The following NFKBIL1 variants were observed in gnomAD, a reference collection of about 807,000 sequenced individuals.
NFKBIL1 encodes NF-kappa-B inhibitor-like protein 1.
In NFKBIL1, 30 loss-of-function variants were observed where a neutral mutation model predicts 45.4. That is an observed-to-expected ratio of 0.66 (90% confidence interval 0.49 to 0.90). The LOEUF (loss-of-function observed/expected upper bound fraction) is 0.90, where lower values mean the gene tolerates loss of function less well. NFKBIL1 is among the 40% of genes least tolerant of loss of function. The pLI is 0.00. For synonymous variants in NFKBIL1, 179 were observed against 197.3 expected, an observed-to-expected ratio of 0.91 and a Z score of 0.78; for missense variants, 434 against 513.4, an observed-to-expected ratio of 0.85 and a Z score of 1.49.
chr6:31,551,999 G>A (rs1470065378), intron 2 of NFKBIL1, among the ~76,000 whole-genome samples: 1 of 152,020 alleles, frequency 6.6e-6, no homozygotes, highest in Admixed American at 6.6e-5. Context: ...GTTTCACCAT[G>A]TTGGCCAGAC....
chr6:31,549,701 T>G (rs1272302651), intron 2 of NFKBIL1, among the ~76,000 whole-genome samples: 1 of 152,092 alleles, frequency 6.6e-6, no homozygotes, highest in Non-Finnish European at 1.5e-5. Flanking sequence ...AAGACTATTA[T>G]TTATTTTCAT....
chr6:31,546,859 C>T (rs201336608), upstream of NFKBIL1: 4 of 440,970 alleles, frequency 9.1e-6, no homozygotes, highest in Non-Finnish European at 1.6e-5. This position sits in a 1 kb window ranked among gnomAD's most constrained non-coding sequence, Gnocchi z 4.1. Context: ...CCATCCCAGT[C>T]GGAAAGGTCT....
intron 2 of NFKBIL1, among the ~76,000 whole-genome samples, chr6:31,552,236 A>G (rs766387111): frequency 2.7e-5 from 4 of 150,634 alleles, no homozygotes; most frequent in Non-Finnish European, 5.9e-5. Flanking sequence ...CCCATCCCAC[A>G]GAATGTCTTT....
At chr6:31,555,477 A>T (rs1769670549) in intron 2 of NFKBIL1, among the ~76,000 whole-genome samples, 1 of 150,628 alleles carries the variant, frequency 6.6e-6, no homozygotes, top group African/African-American at 2.4e-5. Flanking sequence ...ACCTCAGGTG[A>T]TCCACCCGCC....
At chr6:31,555,092 C>T (rs968427114) in intron 2 of NFKBIL1, among the ~76,000 whole-genome samples, 1 of 152,008 alleles carries the variant, frequency 6.6e-6, no homozygotes, top group African/African-American at 2.4e-5. Context: ...CAAATTTGTT[C>T]GTCCTTCTTT....
chr6:31,558,276 G>C lies in NFKBIL1; in HGVS notation c.811G>C (p.Asp271His). ...CAGGAGGGCGCAGGAGGCTCTAGGG[G>C]ACCGAGAACCCAAGCCAACCAGGGC... ...RARRAQEALG[D>H]REPKPTRAGP... Residue 271 changes from aspartate to histidine, a missense_variant, in exon 4 of 4, where the codon GAC (aspartate) becomes CAC (histidine). Asp to His is a moderately conservative substitution (Grantham distance 81, BLOSUM62 -1). Coordinates refer to ENST00000376148, the MANE Select transcript of NFKBIL1 (RefSeq NM_005007.4). This position sits in a 1 kb window ranked among gnomAD's most constrained non-coding sequence, Gnocchi z 7.2. The C allele has an allele frequency of 6.3e-7, 1 of 1,587,044 alleles. No homozygotes were observed. Among genetic ancestry groups the C allele is most frequent in the Non-Finnish European group, 8.6e-7 (1 of 1,166,920 alleles).
At position 31,558,477 on chromosome 6, in the gene NFKBIL1, C is replaced by T. The variant is rs1241829681; in HGVS notation, c.1012C>T (p.Gln338Ter). 12 of 1,551,914 alleles carry T rather than the reference C, an allele frequency of 7.7e-6. No homozygotes were observed. The highest frequency in any genetic ancestry group is 1.0e-5 in the Non-Finnish European group (12 of 1,147,536). Reference protein sequence around the residue: ...GALRRYLRVQQVRWHPDRFLQ... With the variant: ...GALRRYLRVQ The stretch of plus-strand genomic sequence containing the variant: ...TCTGAGGAGGTACTTGAGGGTCCAG[C>T]AGGTCCGCTGGCACCCTGACCGCTT... Residue 338 changes from glutamine (Q) to a stop codon, truncating the protein, a stop_gained, in exon 4 of 4, where the codon CAG (glutamine) becomes TAG (stop). Transcript: ENST00000376148. LOFTEE classifies it high-confidence loss of function. This position sits in a 1 kb window ranked among gnomAD's most constrained non-coding sequence, Gnocchi z 7.2.
chr6:31,555,701 C>T (rs1253202299), intron 2 of NFKBIL1, among the ~76,000 whole-genome samples: 6 of 145,332 alleles, frequency 4.1e-5, no homozygotes, highest in East Asian at 2.0e-4. Context: ...CTGCAACCTC[C>T]GCCTCCCAGG....
Position 31,558,637 on chromosome 6 carries a change from G to A in NFKBIL1, c.*26G>A, listed in dbSNP as rs1179864133. On this transcript the variant is annotated 3_prime_UTR_variant, in exon 4 of 4. Coordinates refer to ENST00000376148, the MANE Select transcript of NFKBIL1 (RefSeq NM_005007.4). This position sits in a 1 kb window ranked among gnomAD's most constrained non-coding sequence, Gnocchi z 7.2. Reference sequence around the variant, plus strand: ...CCCTAGGGAAGAAGCAAGAAACTTCGGGGCTGCAGCCTCAGGATGAGGCAG... The same window carrying A: ...CCCTAGGGAAGAAGCAAGAAACTTCAGGGCTGCAGCCTCAGGATGAGGCAG... The A allele has an allele frequency of 2.0e-6, 3 of 1,519,248 alleles. No homozygotes were observed. The highest frequency in any genetic ancestry group is 2.7e-6 in the Non-Finnish European group (3 of 1,124,042). The allele number at this position is 1,519,248 out of a possible 1,614,324, so 94.1% of individuals were successfully genotyped here.
At chr6:31,556,785 TAAGGC>T (rs1286279637) in intron 2 of NFKBIL1, 1 of 456,586 alleles carries the variant, frequency 2.2e-6, no homozygotes, top group Admixed American at 2.4e-5. Flanking sequence ...CATCCCCTGG[TAAGGC>T]TGGCTGAGAG....
chr6:31,554,396 G>A (rs1409759001), intron 2 of NFKBIL1, among the ~76,000 whole-genome samples: 1 of 151,924 alleles, frequency 6.6e-6, no homozygotes, highest in Admixed American at 6.6e-5. Context: ...CTGGGCAACA[G>A]GGTGAGACCT....
rs866348731 is a variant in NFKBIL1, at chr6:31,552,893, A to G, written c.334+4454A>G. Among the ~76,000 whole-genome samples, 12 of 150,184 alleles carry G rather than the reference A, an allele frequency of 8.0e-5. No individual in the cohort carries two copies. The East Asian group carries it at 2.0e-3, about 25-fold the overall frequency. On this transcript the variant is annotated intron_variant, in intron 2 of 3. Coordinates refer to ENST00000376148, the MANE Select transcript of NFKBIL1 (RefSeq NM_005007.4). ...CTAATTTTTTGTATTTTTAGTAGAG[A>G]CAGGGTTTCACTGTGTTGGCCAGGC...
In NFKBIL1 at chr6:31,557,922, T is replaced by C. The variant is rs561191947; in HGVS notation, c.556+73T>C. The C allele has an allele frequency of 2.7e-6, 4 of 1,499,906 alleles. No individual in the cohort carries two copies. Among genetic ancestry groups the C allele is most frequent in the Admixed American group, 2.0e-5 (1 of 49,600 alleles). 92.9% of individuals were successfully genotyped at this position (1,499,906 alleles called of 1,614,324 possible). On this transcript the variant is annotated intron_variant, in intron 3 of 3. Transcript: ENST00000376148. The surrounding 1 kb of genome is among the most constrained non-coding windows in gnomAD (Gnocchi z 5.4). ...TTCCATCTGCATGAATGCGTCACAC[T>C]AGGCTCCTCTGCCCCCTCCTCTGTG...
chr6:31,553,364 T>G (rs1402319922), intron 2 of NFKBIL1, among the ~76,000 whole-genome samples: 1 of 151,838 alleles, frequency 6.6e-6, no homozygotes, highest in Non-Finnish European at 1.5e-5. Context: ...TAAATAATAT[T>G]GGAACATTTG....
Position 31,557,923 on chromosome 6 carries a change from A to G in NFKBIL1, c.556+74A>G. Reference sequence around the variant, plus strand: ...TCCATCTGCATGAATGCGTCACACTAGGCTCCTCTGCCCCCTCCTCTGTGC... The same window carrying G: ...TCCATCTGCATGAATGCGTCACACTGGGCTCCTCTGCCCCCTCCTCTGTGC... On this transcript the variant is annotated intron_variant, in intron 3 of 3. Coordinates refer to ENST00000376148, the MANE Select transcript of NFKBIL1 (RefSeq NM_005007.4). The surrounding 1 kb of genome is among the most constrained non-coding windows in gnomAD (Gnocchi z 5.4). 1 of 1,501,034 alleles carries G rather than the reference A, an allele frequency of 6.7e-7. No homozygotes were observed. Among genetic ancestry groups the G allele is most frequent in the Non-Finnish European group, 9.0e-7 (1 of 1,108,672 alleles). The allele number at this position is 1,501,034 out of a possible 1,614,324, so 93.0% of individuals were successfully genotyped here. A position where few individuals can be genotyped will look rare whatever the true frequency, so the allele number is the denominator to read the frequency against.
At chr6:31,553,509 T>G (rs1431967704) in intron 2 of NFKBIL1, among the ~76,000 whole-genome samples, 3 of 152,190 alleles carry the variant, frequency 2.0e-5, no homozygotes, top group African/African-American at 7.2e-5. Flanking sequence ...GAATGAAACT[T>G]GGAAGGCGGT....
Position 31,557,142 on chromosome 6 carries a change from C to T in NFKBIL1, c.335-486C>T, listed in dbSNP as rs1452798909. 2.8e-5 allele frequency among the ~76,000 whole-genome samples: 4 copies of T among 144,242 alleles called. No homozygotes were observed. The highest frequency in any genetic ancestry group is 6.0e-5 in the Non-Finnish European group (4 of 66,904). 94.6% of individuals were successfully genotyped at this position (144,242 alleles called of 152,430 possible). A position where few individuals can be genotyped will look rare whatever the true frequency, so the allele number is the denominator to read the frequency against. ...TTTTTTTTTGAGACGGAGTCTTGCT[C>T]TGTCACCTAGGCTGGAGTGCAGTGG... On this transcript the variant is annotated intron_variant, in intron 2 of 3. Transcript: ENST00000376148. This position sits in a 1 kb window ranked among gnomAD's most constrained non-coding sequence, Gnocchi z 5.4.
chr6:31,547,646 C>A lies in NFKBIL1; in HGVS notation c.-49C>A. The A allele has an allele frequency of 7.1e-7, 1 of 1,413,178 alleles. No individual in the cohort carries two copies. The highest frequency in any genetic ancestry group is 9.9e-7 in the Non-Finnish European group (1 of 1,010,820). The allele number at this position is 1,413,178 out of a possible 1,614,324, so 87.5% of individuals were successfully genotyped here. A position where few individuals can be genotyped will look rare whatever the true frequency, so the allele number is the denominator to read the frequency against. On this transcript the variant is annotated 5_prime_UTR_variant, in exon 1 of 4. Coordinates refer to ENST00000376148, the MANE Select transcript of NFKBIL1 (RefSeq NM_005007.4). The stretch of plus-strand genomic sequence containing the variant: ...CGTCTCCGAGCTTCTTAAACACAGG[C>A]CTTGGGCCTACGGCTCTGGGGGTAC...
At position 31,556,779 on chromosome 6, in the gene NFKBIL1, C is replaced by G. The variant is rs1333452887; in HGVS notation, c.335-849C>G. On this transcript the variant is annotated intron_variant, in intron 2 of 3. Transcript: ENST00000376148. The stretch of plus-strand genomic sequence containing the variant: ...ACCTCCCCACCCCTCTCCCATCATC[C>G]CCTGGTAAGGCTGGCTGAGAGAAAT... 6.6e-6 allele frequency: 3 copies of G among 456,952 alleles called. No homozygotes were observed. The Admixed American group carries it at 7.0e-5, about 11-fold the overall frequency. The allele number at this position is 456,952 out of a possible 1,614,324, so 28.3% of individuals were successfully genotyped here. A position where few individuals can be genotyped will look rare whatever the true frequency, so the allele number is the denominator to read the frequency against.
Sources: allele counts gnomAD v4.1 joint callset (sites outside exome capture counted in the v4.1 genomes callset), GRCh38; gene constraint gnomAD v4.1.1; non-coding constraint Gnocchi (gnomAD v3.1); transcripts MANE v1.5; gene names NCBI Gene and HGNC (gene_info 2026-07-23, HGNC 2026-07-21).